The following FRMPD4 variants were observed in gnomAD, a reference collection of about 807,000 sequenced individuals.
FRMPD4 encodes the protein FERM and PDZ domain containing 4.
Under a neutral mutation model 94.1 loss-of-function variants are expected in FRMPD4, and 22 were observed. The ratio of observed to expected loss-of-function variants is 0.23; its 90% CI spans 0.17 to 0.33. The LOEUF is 0.33. Ranked by LOEUF, FRMPD4 falls within the 10% of genes least tolerant of loss-of-function variation. The pLI is 1.00. For missense variants in FRMPD4, 1,111 were observed against 1,339.9 expected, an observed-to-expected ratio of 0.83 and a Z score of 2.67; for synonymous variants, 631 against 548.6, an observed-to-expected ratio of 1.15 and a Z score of -2.10.
intron 1 of FRMPD4, among the ~76,000 whole-genome samples, chrX:12,323,024 G>A (rs2055232321): frequency 8.9e-6 from 1 of 111,784 alleles, no homozygotes. Context: ...CGTTTTATAT[G>A]TGCATGTGTG....
intron 1 of FRMPD4, among the ~76,000 whole-genome samples, chrX:11,851,125 G>A (rs952902140): frequency 9.0e-6 from 1 of 111,699 alleles, no homozygotes; most frequent in African/African-American, 3.3e-5. Flanking sequence ...GAGGGAGCAG[G>A]CCCAGGTAAG....
intron 1 of FRMPD4, among the ~76,000 whole-genome samples, chrX:12,457,334 C>A (rs1418108352): frequency 9.0e-6 from 1 of 111,351 alleles, no homozygotes; most frequent in Admixed American, 9.5e-5. Context: ...ATTGTCATTG[C>A]AGTGGTCCTC....
chrX:12,213,830 ATTAT>A (rs1427204770), intron 1 of FRMPD4, among the ~76,000 whole-genome samples: 2 of 112,202 alleles, frequency 1.8e-5, no homozygotes, highest in Non-Finnish European at 3.8e-5. Flanking sequence ...TGACTTCTTG[ATTAT>A]TTATGAAGCT....
chrX:12,160,444 T>C (rs1223001459), intron 1 of FRMPD4, among the ~76,000 whole-genome samples: 2 of 111,555 alleles, frequency 1.8e-5, no homozygotes, highest in Non-Finnish European at 3.8e-5. Context: ...CCAGGTAATC[T>C]ACTTCTAGGT....
At chrX:12,164,800 T>G (rs1315177758) in intron 1 of FRMPD4, among the ~76,000 whole-genome samples, 1 of 112,782 alleles carries the variant, frequency 8.9e-6, no homozygotes, top group Non-Finnish European at 1.9e-5. Context: ...TGATGGCCAG[T>G]GATGACAAGC....
chrX:12,614,678 T>C (rs1285718511), intron 3 of FRMPD4, 101 bp from the exon 4 acceptor site: 2 of 482,850 alleles, frequency 4.1e-6, no homozygotes, highest in Admixed American at 2.8e-5. Context: ...TCGGTTTTGC[T>C]GATAGCACCA....
chrX:12,565,423 T>C (rs1205743452), intron 2 of FRMPD4, among the ~76,000 whole-genome samples: 2 of 112,164 alleles, frequency 1.8e-5, no homozygotes, highest in Non-Finnish European at 3.8e-5. Context: ...TGATAAGTCA[T>C]GTTGATAGCA....
intron 1 of FRMPD4, among the ~76,000 whole-genome samples, chrX:12,463,863 G>T (rs1190995824): frequency 2.7e-5 from 3 of 109,234 alleles, no homozygotes; most frequent in Non-Finnish European, 5.7e-5. Flanking sequence ...CCCCCCTAGA[G>T]AATTTCTAAG....
At position 12,530,288 on chromosome X, in the gene FRMPD4, T is replaced by C. The variant is rs149354608; in HGVS notation, c.158+31492T>C. 4.8e-3 allele frequency among the ~76,000 whole-genome samples: 532 copies of C among 111,734 alleles called. 6 individuals are homozygous for C. Among genetic ancestry groups the C allele is most frequent in the African/African-American group, 0.016 (506 of 30,799 alleles). On this transcript the variant is annotated intron_variant, in intron 2 of 16. Transcript: ENST00000675598. ...TGGAATTACAATATGACCAGATTGC[T>C]TGGATGTGGTCAGGGATGGAGAATT... is the stretch of plus-strand genomic sequence containing the variant.
intron 3 of FRMPD4, among the ~76,000 whole-genome samples, chrX:11,896,478 GC>G (rs2053904622): frequency 1.8e-5 from 2 of 111,698 alleles, no homozygotes; most frequent in African/African-American, 6.5e-5. Flanking sequence ...CTAGAGAGCT[GC>G]CTCTTCCCTT....
intron 1 of FRMPD4, among the ~76,000 whole-genome samples, chrX:11,854,219 C>T (rs2053641463): frequency 9.0e-6 from 1 of 110,957 alleles, no homozygotes; most frequent in Non-Finnish European, 1.9e-5. Context: ...GAGGAACTGC[C>T]CCCATGATTC....
At chrX:12,715,999 C>CGGGGGG in intron 14 of FRMPD4, 70 bp from the exon 15 acceptor site, 3 of 337,356 alleles carry the variant, frequency 8.9e-6, no homozygotes, top group Non-Finnish European at 1.1e-5. Context: ...CAGAGACGAG[C>CGGGGGG]CTCCCACCCC....
intron 2 of FRMPD4, among the ~76,000 whole-genome samples, chrX:12,527,389 C>T (rs1277232821): frequency 1.8e-5 from 2 of 110,820 alleles, no homozygotes; most frequent in Non-Finnish European, 3.8e-5. Context: ...ATTTTATTGT[C>T]ACTGCTTCTG....
intron 1 of FRMPD4, among the ~76,000 whole-genome samples, chrX:12,283,865 T>C (rs1569217713): frequency 8.9e-6 from 1 of 111,821 alleles, no homozygotes; most frequent in African/African-American, 3.2e-5. Flanking sequence ...GAAGTATCTC[T>C]TGAAGTTCAT....
chrX:12,720,049 G>GGAAAGGAAAGGAAAGGAAAGAAAGAAA (rs1555898469), intron 16 of FRMPD4, among the ~76,000 whole-genome samples: 1 of 39,582 alleles, frequency 2.5e-5, no homozygotes, highest in African/African-American at 1.2e-4. Context: ...GGAAAGGAAA[G>GGAAAGGAAAGGAAAGGAAAGAAAGAAA]GAAAGAAAGA....
At chrX:12,176,344 T>G (rs1282216606) in intron 1 of FRMPD4, among the ~76,000 whole-genome samples, 2 of 111,959 alleles carry the variant, frequency 1.8e-5, no homozygotes, top group African/African-American at 6.5e-5. Context: ...TTCCTTTTAT[T>G]TAATCCTCTC....
intron 1 of FRMPD4, among the ~76,000 whole-genome samples, chrX:12,278,770 C>G (rs1385850429): frequency 1.8e-5 from 2 of 111,281 alleles, no homozygotes; most frequent in Non-Finnish European, 3.8e-5. Flanking sequence ...TGGTAGCAGC[C>G]CTCAGCTAAT....
intron 1 of FRMPD4, among the ~76,000 whole-genome samples, chrX:12,491,300 C>T (rs767309929): frequency 4.5e-5 from 5 of 112,258 alleles, no homozygotes; most frequent in Non-Finnish European, 9.4e-5. Flanking sequence ...ATTTAAAAAA[C>T]CACCTTAATC....
In FRMPD4 at chrX:12,698,876, A is replaced by G. The variant is rs186367970; in HGVS notation, c.934-2998A>G. ...ATGGCAACCTTGCGAGTTCATTGCTAACTCTCAAGTTAGTTGTTTTTGAGA... is the reference window on the plus strand; with the variant it reads ...ATGGCAACCTTGCGAGTTCATTGCTGACTCTCAAGTTAGTTGTTTTTGAGA... On this transcript the variant is annotated intron_variant, in intron 9 of 16. Coordinates refer to ENST00000675598, the MANE Select transcript of FRMPD4 (RefSeq NM_001368397.1). Among the ~76,000 whole-genome samples, 711 of 111,473 alleles carry G rather than the reference A, an allele frequency of 6.4e-3. 4 individuals carry two copies. Among genetic ancestry groups the G allele is most frequent in the African/African-American group, 0.021 (643 of 30,632 alleles).
Sources: gnomAD v4.1 joint callset for allele counts (sites outside exome capture counted in the v4.1 genomes callset) on GRCh38, gnomAD v4.1.1 for gene constraint, MANE v1.5 for transcripts, NCBI Gene and HGNC (gene_info 2026-07-23, HGNC 2026-07-21) for gene names.